Variants in UBE2O observed in about 807,000 individuals in gnomAD.
The protein encoded by UBE2O is (E3-independent) E2 ubiquitin-conjugating enzyme.
A neutral mutation model predicts 125.8 loss-of-function variants in UBE2O; 15 were observed. That is an observed-to-expected ratio of 0.12 (90% confidence interval 0.08 to 0.18). The LOEUF (loss-of-function observed/expected upper bound fraction) is 0.18. Among genes scored for constraint, UBE2O ranks in the 10% least tolerant of loss-of-function variants. The pLI, the probability that UBE2O is intolerant of heterozygous loss-of-function variation, is 1.00. For synonymous variants in UBE2O, 708 were observed against 703.2 expected (o/e 1.01, Z -0.11); for missense variants, 1,280 against 1,723.6 (o/e 0.74, Z 4.56).
rs1405603826 is a variant in UBE2O, at chr17:76,402,868, A to G, written c.589-169T>C. 6.6e-6 allele frequency among the ~76,000 whole-genome samples: 1 copy of G among 151,984 alleles called. No homozygotes were observed. Among genetic ancestry groups the G allele is most frequent in the Non-Finnish European group, 1.5e-5 (1 of 67,974 alleles). On this transcript the variant is annotated intron_variant, in intron 3 of 17. Transcript: ENST00000319380. This position sits in a 1 kb window ranked among gnomAD's most constrained non-coding sequence, Gnocchi z 5.4. ...ACAGCTGCTGCAGCAGGCCCTCCCT[A>G]CAAGTTCTAGGCTGCATCCCAGCTG...
chr17:76,398,618 A>C lies in UBE2O; in HGVS notation c.1784-34T>G, dbSNP rs756870939. ...CCAGAGAAAGGGAAGTGACTAGCTA[A>C]GGGATCCCGGCTAAGGAGCCCACAT... On this transcript the variant is annotated intron_variant, in intron 10 of 17. Coordinates refer to ENST00000319380, the MANE Select transcript of UBE2O (RefSeq NM_022066.4). The surrounding 1 kb of genome is among the most constrained non-coding windows in gnomAD (Gnocchi z 5.4). 6.2e-7 allele frequency: 1 copy of C among 1,601,736 alleles called. No homozygotes were observed.
chr17:76,391,708 C>T lies in UBE2O; in HGVS notation c.3208+48G>A. On this transcript the variant is annotated intron_variant, in intron 17 of 17. Coordinates refer to ENST00000319380, the MANE Select transcript of UBE2O (RefSeq NM_022066.4). This position sits in a 1 kb window ranked among gnomAD's most constrained non-coding sequence, Gnocchi z 8.4. ...CAGGGGGACTATCAGAGTCACTTTC[C>T]TCCACCGGCCCTCCCTTGTCCGCAC... 6.2e-7 allele frequency: 1 copy of T among 1,610,152 alleles called. No homozygotes were observed. The highest frequency in any genetic ancestry group is 8.5e-7 in the Non-Finnish European group (1 of 1,177,608).
Position 76,390,827 on chromosome 17 carries a change from G to T in UBE2O, c.*116C>A. The T allele has an allele frequency of 9.8e-7, 1 of 1,022,982 alleles. No individual in the cohort carries two copies. Among genetic ancestry groups the T allele is most frequent in the Non-Finnish European group, 1.4e-6 (1 of 704,422 alleles). The allele number at this position is 1,022,982 out of a possible 1,614,324, so 63.4% of individuals were successfully genotyped here. ...TCAAACTCACCTTGGGGAGAAGAGGGCAGTGGGTTTGCAGTGGGGACAGAG... is the reference window on the plus strand; with the variant it reads ...TCAAACTCACCTTGGGGAGAAGAGGTCAGTGGGTTTGCAGTGGGGACAGAG... On this transcript the variant is annotated 3_prime_UTR_variant, in exon 18 of 18. Transcript: ENST00000319380.
Position 76,397,779 on chromosome 17 carries a change from G to T in UBE2O, c.2115+20C>A. 2 of 1,612,942 alleles carry T rather than the reference G, an allele frequency of 1.2e-6. No homozygotes were observed. Among genetic ancestry groups the T allele is most frequent in the South Asian group, 1.1e-5 (1 of 91,066 alleles). On this transcript the variant is annotated intron_variant, in intron 13 of 17. Coordinates refer to ENST00000319380, the MANE Select transcript of UBE2O (RefSeq NM_022066.4). ...TGCCATAGTCACAAGCTCAGCAGGG[G>T]GGTCTTGCCAGAGCCTCACCTGGGG...
chr17:76,420,255 A>G (rs2072687244), intron 1 of UBE2O, among the ~76,000 whole-genome samples: 2 of 152,210 alleles, frequency 1.3e-5, no homozygotes, highest in Admixed American at 1.3e-4. Flanking sequence ...AAAAGGCAGT[A>G]AAAATAACAC....
intron 3 of UBE2O, among the ~76,000 whole-genome samples, chr17:76,403,812 C>T (rs934570653): frequency 2.6e-5 from 4 of 152,098 alleles, no homozygotes; most frequent in African/African-American, 7.2e-5. Flanking sequence ...ATGAGCCTGG[C>T]ACATCTCATG....
chr17:76,398,765 T>C lies in UBE2O; in HGVS notation c.1783+72A>G, dbSNP rs2072261524. 2 of 1,571,606 alleles carry C rather than the reference T, an allele frequency of 1.3e-6. No homozygotes were observed. The highest frequency in any genetic ancestry group is 1.3e-5 in the African/African-American group (1 of 74,214). ...GCTCTGACCCCAGATCCACTGCCCA[T>C]TCTCCACAAGCCCCAACCCGGGCCC... On this transcript the variant is annotated intron_variant, in intron 10 of 17. Transcript: ENST00000319380. This position sits in a 1 kb window ranked among gnomAD's most constrained non-coding sequence, Gnocchi z 5.4.
At chr17:76,420,629 G>C (rs74984887) in intron 1 of UBE2O, among the ~76,000 whole-genome samples, 3 of 152,256 alleles carry the variant, frequency 2.0e-5, no homozygotes, top group African/African-American at 7.2e-5. Flanking sequence ...ACATCTTTGC[G>C]AGACAAACTG....
chr17:76,396,903 A>C lies in UBE2O; in HGVS notation c.2116-82T>G. 7.8e-7 allele frequency: 1 copy of C among 1,274,260 alleles called. No homozygotes were observed. The highest frequency in any genetic ancestry group is 1.1e-6 in the Non-Finnish European group (1 of 924,494). 78.9% of individuals were successfully genotyped at this position (1,274,260 alleles called of 1,614,324 possible). ...TAAGGAGGAGCTCTGGGGATCCCTGATCCGCACAGCTGATGGCGACTGGGC... is the reference window on the plus strand; with the variant it reads ...TAAGGAGGAGCTCTGGGGATCCCTGCTCCGCACAGCTGATGGCGACTGGGC... On this transcript the variant is annotated intron_variant, in intron 13 of 17. Coordinates refer to ENST00000319380, the MANE Select transcript of UBE2O (RefSeq NM_022066.4). The surrounding 1 kb of genome is among the most constrained non-coding windows in gnomAD (Gnocchi z 6.7).
chr17:76,397,854 C>G lies in UBE2O; in HGVS notation c.2060G>C (p.Ser687Thr). 1 of 1,614,206 alleles carries G rather than the reference C, an allele frequency of 6.2e-7. No individual in the cohort carries two copies. The highest frequency in any genetic ancestry group is 8.5e-7 in the Non-Finnish European group (1 of 1,180,050). Residue 687 changes from serine (S) to threonine (T), a missense_variant, in exon 13 of 18, where the codon AGC becomes ACC. Physicochemically the swap from Ser to Thr is moderately conservative, Grantham distance 58. This residue lies in a region of UBE2O where 210 missense variants were observed against 268.9 expected (regional missense o/e 0.78). Transcript: ENST00000319380. Reference protein sequence around the residue: ...SVGQVARVDVSSKVEVVWADN... With the variant: ...SVGQVARVDVTSKVEVVWADN... The stretch of plus-strand genomic sequence containing the variant: ...AGCCCACACCACCTCCACCTTGCTG[C>G]TGACGTCCACACGGGCCACCTGGCC...
Position 76,452,317 on chromosome 17 carries a change from A to ACTGC in UBE2O, c.417+407_417+408insGCAG, listed in dbSNP as rs2073262890. ...CAACCCCTCCCTGCACGGACCCGGCACGGCCTTCATTTCTGGATGCACAAT... is the reference window on the plus strand; with the variant it reads ...CAACCCCTCCCTGCACGGACCCGGCACTGCCGGCCTTCATTTCTGGATGCACAAT... On this transcript the variant is annotated intron_variant, in intron 1 of 17. Coordinates refer to ENST00000319380, the MANE Select transcript of UBE2O (RefSeq NM_022066.4). The surrounding 1 kb of genome is among the most constrained non-coding windows in gnomAD (Gnocchi z 4.4). Among the ~76,000 whole-genome samples, 1 of 151,980 alleles carries ACTGC rather than the reference A, an allele frequency of 6.6e-6. No individual in the cohort carries two copies. The highest frequency in any genetic ancestry group is 1.5e-5 in the Non-Finnish European group (1 of 67,988).
At chr17:76,437,318 CG>C (rs1190026514) in intron 1 of UBE2O, among the ~76,000 whole-genome samples, 2 of 148,740 alleles carry the variant, frequency 1.3e-5, no homozygotes, top group African/African-American at 5.0e-5. Context: ...GGCGTGGTGG[CG>C]GGCACCTGTA....
At chr17:76,407,887 A>G (rs2072451361) in intron 1 of UBE2O, among the ~76,000 whole-genome samples, 1 of 152,212 alleles carries the variant, frequency 6.6e-6, no homozygotes, top group South Asian at 2.1e-4. Context: ...CCTTTCTATG[A>G]CAAGGAGTTA....
rs1410394880 is a variant in UBE2O at position 76,397,886 on chromosome 17, T to C, written c.2028A>G (p.Pro676=). Residue 676 remains proline, a splice_region_variant and synonymous_variant, in exon 13 of 18, where the codon CCA becomes CCG. Transcript: ENST00000319380. ...CCACACGGGCCACCTGGCCCACCGATGGCTGCTGGGCAAAGGGGACAAAGT... is the reference window on the plus strand; with the variant it reads ...CCACACGGGCCACCTGGCCCACCGACGGCTGCTGGGCAAAGGGGACAAAGT... ...EDGAPHKEDE[P]SVGQVARVDV... 1 of 1,613,970 alleles carries C rather than the reference T, an allele frequency of 6.2e-7. No individual in the cohort carries two copies. The highest frequency in any genetic ancestry group is 2.2e-5 in the East Asian group (1 of 44,890).
chr17:76,452,416 C>A lies in UBE2O; in HGVS notation c.417+309G>T, dbSNP rs546504326. Among the ~76,000 whole-genome samples the A allele has an allele frequency of 1.3e-5, 2 of 152,262 alleles. No homozygotes were observed. The highest frequency in any genetic ancestry group is 3.9e-4 in the East Asian group (2 of 5,164). ...GCCGAACGCGCCCCAGAACCTGAGT[C>A]CCCACGGGAGTCGGTCCACGTCTCT... On this transcript the variant is annotated intron_variant, in intron 1 of 17. Coordinates refer to ENST00000319380, the MANE Select transcript of UBE2O (RefSeq NM_022066.4). The surrounding 1 kb of genome is among the most constrained non-coding windows in gnomAD (Gnocchi z 4.4).
At chr17:76,446,006 G>A (rs772996220) in intron 1 of UBE2O, among the ~76,000 whole-genome samples, 1 of 152,216 alleles carries the variant, frequency 6.6e-6, no homozygotes, top group East Asian at 1.9e-4. Context: ...AAAATACCGA[G>A]ATCCTATTAA....
chr17:76,391,732 AC>A lies in UBE2O; in HGVS notation c.3208+23del. ...CCTCCACCGGCCCTCCCTTGTCCGCACCCCCGCTTCAGCCCAACTGTACCTT... is the reference window on the plus strand; with the variant it reads ...CCTCCACCGGCCCTCCCTTGTCCGCACCCCGCTTCAGCCCAACTGTACCTT... On this transcript the variant is annotated intron_variant, in intron 17 of 17. Coordinates refer to ENST00000319380, the MANE Select transcript of UBE2O (RefSeq NM_022066.4). The surrounding 1 kb of genome is among the most constrained non-coding windows in gnomAD (Gnocchi z 8.4). The A allele has an allele frequency of 1.2e-6, 2 of 1,613,058 alleles. No homozygotes were observed. Among genetic ancestry groups the A allele is most frequent in the Non-Finnish European group, 1.7e-6 (2 of 1,179,646 alleles).
chr17:76,402,182 A>G lies in UBE2O; in HGVS notation c.687-55T>C. 6.3e-7 allele frequency: 1 copy of G among 1,576,506 alleles called. No individual in the cohort carries two copies. The highest frequency in any genetic ancestry group is 1.4e-5 in the African/African-American group (1 of 73,820). On this transcript the variant is annotated intron_variant, in intron 4 of 17. Transcript: ENST00000319380. The surrounding 1 kb of genome is among the most constrained non-coding windows in gnomAD (Gnocchi z 5.4). The stretch of plus-strand genomic sequence containing the variant: ...ACCAGGGGACACAGTGAGTACCAAA[A>G]AGTTGCGATTCTGAGATGCCAATGC...
In UBE2O at chr17:76,391,305, C is replaced by T. The variant is rs1478591515; in HGVS notation, c.3517G>A (p.Ala1173Thr). The T allele has an allele frequency of 1.9e-6, 3 of 1,612,908 alleles. No individual in the cohort carries two copies. The highest frequency in any genetic ancestry group is 1.1e-5 in the South Asian group (1 of 91,076). Residue 1173 changes from alanine (A) to threonine (T), a missense_variant, in exon 18 of 18, where the codon GCT (alanine) becomes ACT (threonine). Ala to Thr is a moderately conservative substitution (Grantham distance 58, BLOSUM62 0). Transcript: ENST00000319380. The surrounding 1 kb of genome is among the most constrained non-coding windows in gnomAD (Gnocchi z 8.4). ...PKASSSPEPP[A>T]VAELSDSGQQ... The stretch of plus-strand genomic sequence containing the variant: ...CCGGAGTCTGACAGCTCGGCTACAG[C>T]TGGGGGCTCTGGCGAGCTGCTGGCC...
Sources: allele counts gnomAD v4.1 joint callset (sites outside exome capture counted in the v4.1 genomes callset), GRCh38; gene constraint gnomAD v4.1.1; regional missense constraint gnomAD v4.1.1; non-coding constraint Gnocchi (gnomAD v3.1); transcripts MANE v1.5; gene names NCBI Gene and HGNC (gene_info 2026-07-23, HGNC 2026-07-21).